Variants in PRELID3A observed in about 807,000 individuals in gnomAD.
PRELID3A encodes PRELI domain containing 3A, also known as PRELI domain containing protein 3A.
A neutral mutation model predicts 23.0 loss-of-function variants in PRELID3A; 27 were observed. The observed-to-expected ratio is 1.17, with a 90% CI of 0.87 to 1.62. The LOEUF (loss-of-function observed/expected upper bound fraction) is 1.62. PRELID3A is among the 40% of genes most tolerant of loss of function. The probability of loss-of-function intolerance (pLI) is 0.00; values close to 1 mark genes in which losing one functional copy is unlikely to be tolerated. For missense variants in PRELID3A, 231 were observed against 231.4 expected, an observed-to-expected ratio of 1.00 and a Z score of 0.01; for synonymous variants, 87 against 86.4, an observed-to-expected ratio of 1.01 and a Z score of -0.04.
intron 6 of PRELID3A, 30 bp downstream of exon 6, chr18:12,429,466 G>A (rs1409535475): frequency 6.9e-7 from 1 of 1,451,332 alleles, no homozygotes; most frequent in Non-Finnish European, 9.7e-7. Flanking sequence ...ACCTGGGGGG[G>A]TACTTGCAGC....
At chr18:12,410,321 C>T (rs907966207) in intron 1 of PRELID3A, among the ~76,000 whole-genome samples, 13 of 152,248 alleles carry the variant, frequency 8.5e-5, no homozygotes, top group African/African-American at 3.1e-4. Context: ...CCCGGTCATC[C>T]CTGGAGCTGC....
chr18:12,429,783 C>T (rs1046600342), intron 6 of PRELID3A, among the ~76,000 whole-genome samples: 6 of 152,206 alleles, frequency 3.9e-5, no homozygotes, highest in African/African-American at 9.6e-5. Flanking sequence ...CCTGACAGGG[C>T]GCTGTCCTTT....
In PRELID3A at chr18:12,427,023, CT is replaced by C. The variant is rs746673861; in HGVS notation, c.292-10del. Reference sequence around the variant, plus strand: ...AATGCAAGAGAAATACAATCTAAACCTTTTTTTTCTTTTTAAGATCACACTC... The same window carrying C: ...AATGCAAGAGAAATACAATCTAAACCTTTTTTTCTTTTTAAGATCACACTC... On this transcript the variant is annotated splice_polypyrimidine_tract_variant and intron_variant, in intron 3 of 6. Coordinates refer to ENST00000440960, the MANE Select transcript of PRELID3A (RefSeq NM_001142405.2). The C allele has an allele frequency of 2.7e-5, 42 of 1,583,852 alleles. No homozygotes were observed. Among genetic ancestry groups the C allele is most frequent in the Non-Finnish European group, 3.4e-5 (39 of 1,153,150 alleles).
At chr18:12,427,013 C>T in intron 3 of PRELID3A, 28 bp from the exon 4 acceptor site, 1 of 1,555,894 alleles carries the variant, frequency 6.4e-7, no homozygotes, top group South Asian at 1.1e-5. Context: ...AAGAGAAATA[C>T]AATCTAAACC....
chr18:12,409,159 GTTTTTTTT>G (rs71371255), intron 1 of PRELID3A, among the ~76,000 whole-genome samples: 9 of 66,472 alleles, frequency 1.4e-4, no homozygotes, highest in East Asian at 1.1e-3. Context: ...CCCAGGCTGG[GTTTTTTTT>G]TTTTTTTTTT....
At chr18:12,409,178 T>TG (rs1909830348) in intron 1 of PRELID3A, among the ~76,000 whole-genome samples, 3 of 143,126 alleles carry the variant, frequency 2.1e-5, no homozygotes, top group African/African-American at 7.9e-5. Flanking sequence ...TTTTTTTTTT[T>TG]TTTTTTGAGA....
chr18:12,420,147 A>G (rs193168355), intron 1 of PRELID3A, 178 bp from the exon 2 acceptor site: 11 of 1,428,152 alleles, frequency 7.7e-6, no homozygotes, highest in Middle Eastern at 2.6e-4. Flanking sequence ...CGAGGCGTGC[A>G]GGTGCTGAGC....
intron 1 of PRELID3A, among the ~76,000 whole-genome samples, chr18:12,414,307 G>A (rs560820708): frequency 6.6e-6 from 1 of 152,334 alleles, no homozygotes; most frequent in Non-Finnish European, 1.5e-5. Context: ...TGTTTCCCAA[G>A]TGCACAGCAG....
chr18:12,424,593 T>C (rs1261767395), intron 3 of PRELID3A, among the ~76,000 whole-genome samples: 1 of 152,216 alleles, frequency 6.6e-6, no homozygotes, highest in Non-Finnish European at 1.5e-5. Flanking sequence ...AGGAGAGAGA[T>C]TTCCTACTAA....
intron 1 of PRELID3A, among the ~76,000 whole-genome samples, chr18:12,416,662 T>C (rs959640047): frequency 2.0e-5 from 3 of 148,286 alleles, no homozygotes; most frequent in Non-Finnish European, 4.5e-5. Flanking sequence ...TTTTTTTTTT[T>C]TTAGACAGAG....
chr18:12,428,529 C>G (rs2030449713), intron 5 of PRELID3A, among the ~76,000 whole-genome samples: 1 of 152,194 alleles, frequency 6.6e-6, no homozygotes. Flanking sequence ...TTTCCAATGT[C>G]CTTCCATGCT....
chr18:12,421,492 A>G, intron 2 of PRELID3A, 48 bp from the exon 3 acceptor site: 1 of 1,108,614 alleles, frequency 9.0e-7, no homozygotes, highest in Non-Finnish European at 1.4e-6. Context: ...GGTGATATGA[A>G]GTAGAATTTT....
intron 1 of PRELID3A, among the ~76,000 whole-genome samples, chr18:12,413,989 A>T (rs527295586): frequency 1.2e-4 from 18 of 152,334 alleles, no homozygotes; most frequent in Middle Eastern, 3.4e-3. Context: ...ATCATCTGCC[A>T]GATCCCCAAG....
intron 1 of PRELID3A, among the ~76,000 whole-genome samples, chr18:12,408,670 C>T (rs1160072965): frequency 6.6e-6 from 1 of 151,910 alleles, no homozygotes; most frequent in Non-Finnish European, 1.5e-5. Context: ...ACAAGTATCG[C>T]ATGTTCCCAC....
At chr18:12,427,150 CG>C (rs1568166150) in intron 4 of PRELID3A, 39 bp downstream of exon 4, 1 of 1,598,352 alleles carries the variant, frequency 6.3e-7, no homozygotes, top group Non-Finnish European at 8.6e-7. Flanking sequence ...TTGAATGCCA[CG>C]GGTGAGGGCA....
At chr18:12,427,389 A>G in intron 5 of PRELID3A, 66 bp downstream of exon 5, 2 of 1,213,274 alleles carry the variant, frequency 1.6e-6, no homozygotes, top group Non-Finnish European at 2.4e-6. Flanking sequence ...TAAGAATATG[A>G]CATTTTTAGT....
intron 1 of PRELID3A, chr18:12,419,957 C>A: frequency 4.0e-6 from 1 of 250,652 alleles, no homozygotes; most frequent in East Asian, 9.3e-5. Context: ...GGTTTGGTGG[C>A]ACACGCCTGT....
chr18:12,416,662 TTTA>T (rs67458167), intron 1 of PRELID3A, among the ~76,000 whole-genome samples: 21,452 of 148,104 alleles, frequency 0.14, 1,833 homozygotes, highest in East Asian at 0.31. Context: ...TTTTTTTTTT[TTTA>T]GACAGAGTCT....
At chr18:12,423,263 G>A (rs1319943365) in intron 3 of PRELID3A, among the ~76,000 whole-genome samples, 1 of 152,178 alleles carries the variant, frequency 6.6e-6, no homozygotes, top group African/African-American at 2.4e-5. Flanking sequence ...GGAGCCGGAG[G>A]TCGTTTTCGT....
Sources: allele counts gnomAD v4.1 joint callset (sites outside exome capture counted in the v4.1 genomes callset), GRCh38; gene constraint gnomAD v4.1.1; transcripts MANE v1.5; gene names NCBI Gene and HGNC (gene_info 2026-07-23, HGNC 2026-07-21).